Variants in RASGEF1A observed in about 807,000 individuals in gnomAD.
The protein encoded by RASGEF1A is ras-GEF domain-containing family member 1A.
RASGEF1A carries 18 observed loss-of-function variants against 56.4 expected under a neutral mutation model. The observed-to-expected ratio is 0.32, with a 90% confidence interval of 0.22 to 0.47. RASGEF1A has a LOEUF of 0.47. Among genes scored for constraint, RASGEF1A ranks in the 20% least tolerant of loss-of-function variants. RASGEF1A has a pLI of 1.00. For missense variants in RASGEF1A, 422 were observed against 627.1 expected, an observed-to-expected ratio of 0.67 and a Z score of 3.49; for synonymous variants, 245 against 242.6, an observed-to-expected ratio of 1.01 and a Z score of -0.09.
chr10:43,203,388 G>A lies in RASGEF1A; in HGVS notation c.231C>T (p.Ser77=). 1.9e-6 allele frequency: 3 copies of A among 1,585,426 alleles called. No individual in the cohort carries two copies. The highest frequency in any genetic ancestry group is 1.7e-6 in the Non-Finnish European group (2 of 1,165,884). Residue 77 remains serine (S), a synonymous_variant, in exon 3 of 13, where the codon TCC becomes TCT. Transcript: ENST00000395810. ...GGTCATGAGGGGGCATAAAGACCCG[G>A]GAGCTCAGGAGAAAGGTGAAGATGT... The part of the protein sequence containing the change: ...RTYIFTFLLS[S]RVFMPPHDLL...
At chr10:43,219,799 G>A (rs916635123) in intron 1 of RASGEF1A, among the ~76,000 whole-genome samples, 1 of 152,250 alleles carries the variant, frequency 6.6e-6, no homozygotes, top group African/African-American at 2.4e-5. Flanking sequence ...AAGACATATG[G>A]TTCTTTTACT....
intron 2 of RASGEF1A, among the ~76,000 whole-genome samples, chr10:43,205,337 C>G (rs1461258467): frequency 1.3e-5 from 2 of 152,186 alleles, no homozygotes; most frequent in African/African-American, 2.4e-5. Context: ...AACACTTTCT[C>G]TGTTCCAAGA....
chr10:43,263,007 T>C (rs869184), intron 1 of RASGEF1A, among the ~76,000 whole-genome samples: 71,467 of 151,936 alleles, frequency 0.47, 17,112 homozygotes, highest in African/African-American at 0.51. Flanking sequence ...ATGGGGAACC[T>C]GGGGCAGGCA....
rs150965903 is a variant in RASGEF1A at position 43,198,878 on chromosome 10, C to A, written c.1032+55G>T. On this transcript the variant is annotated intron_variant, in intron 9 of 12. Coordinates refer to ENST00000395810, the MANE Select transcript of RASGEF1A (RefSeq NM_145313.4). The stretch of plus-strand genomic sequence containing the variant: ...CCCACTGTCAGGGCCCCCTTCGGGC[C>A]ATTGCGGGACGAAATGGGTGCAGCT... The A allele has an allele frequency of 1.7e-3, 2,610 of 1,529,224 alleles. 6 individuals carry two copies. Among genetic ancestry groups the A allele is most frequent in the Non-Finnish European group, 2.1e-3 (2,300 of 1,106,034 alleles). 94.7% of individuals were successfully genotyped at this position (1,529,224 alleles called of 1,614,324 possible).
intron 1 of RASGEF1A, among the ~76,000 whole-genome samples, chr10:43,235,613 C>T (rs1217131530): frequency 6.6e-6 from 1 of 152,238 alleles, no homozygotes; most frequent in Non-Finnish European, 1.5e-5. Flanking sequence ...ATCCTTCCTG[C>T]CCCCATTGGT....
intron 1 of RASGEF1A, chr10:43,229,693 G>T: frequency 6.9e-7 from 1 of 1,443,852 alleles, no homozygotes; most frequent in Non-Finnish European, 9.1e-7. Flanking sequence ...GCCCGGTCCG[G>T]CGTCCAGCGA....
At chr10:43,244,245 G>C (rs1158389383) in intron 1 of RASGEF1A, among the ~76,000 whole-genome samples, 1 of 139,154 alleles carries the variant, frequency 7.2e-6, no homozygotes, top group African/African-American at 2.6e-5. Flanking sequence ...GACACAAACA[G>C]GGCCGAAGGC....
chr10:43,225,437 ATGTGTCTGTGTTTGTGTGTCTC>A (rs1386932635), intron 1 of RASGEF1A, among the ~76,000 whole-genome samples: 1 of 123,352 alleles, frequency 8.1e-6, no homozygotes. Flanking sequence ...GTGTCTCTGT[ATGTGTCTGTGTTTGTGTGTCTC>A]TGTGTCTGTG....
At chr10:43,212,308 C>T (rs1427729630) in intron 1 of RASGEF1A, among the ~76,000 whole-genome samples, 1 of 152,244 alleles carries the variant, frequency 6.6e-6, no homozygotes, top group Admixed American at 6.5e-5. Context: ...GCACAGCCAA[C>T]ATTTCCGTGA....
At chr10:43,215,960 G>A (rs1411791840) in intron 1 of RASGEF1A, among the ~76,000 whole-genome samples, 1 of 152,240 alleles carries the variant, frequency 6.6e-6, no homozygotes, top group East Asian at 1.9e-4. Flanking sequence ...GACGAGCAGA[G>A]TGAGTGGACA....
At chr10:43,265,912 C>T (rs72783256) in intron 1 of RASGEF1A, among the ~76,000 whole-genome samples, 22,832 of 152,244 alleles carry the variant, frequency 0.15, 1,818 homozygotes, top group Admixed American at 0.19. Flanking sequence ...ATCCTGCGGC[C>T]GACGGCCATC....
In RASGEF1A at chr10:43,229,422, G is replaced by C. The variant is rs1394349631; in HGVS notation, c.-6-23300C>G. 3.3e-5 allele frequency among the ~76,000 whole-genome samples: 5 copies of C among 152,334 alleles called. No individual in the cohort carries two copies. The East Asian group carries it at 9.7e-4, about 29-fold the overall frequency. ...TGTGCTCTCGGCGTCCGCGGGCCGC[G>C]CCGCGAAGGGCAGGGCAGGAGCAGA... On this transcript the variant is annotated intron_variant, in intron 1 of 12. Transcript: ENST00000395810.
chr10:43,217,199 C>T (rs1840148370), intron 1 of RASGEF1A, among the ~76,000 whole-genome samples: 1 of 152,292 alleles, frequency 6.6e-6, no homozygotes, highest in East Asian at 1.9e-4. Flanking sequence ...TGCTGGGACC[C>T]GACCCTGAGG....
At chr10:43,229,649 G>A in intron 1 of RASGEF1A, 3 of 1,493,084 alleles carry the variant, frequency 2.0e-6, no homozygotes, top group Admixed American at 2.1e-5. Context: ...GGGGCTCCAG[G>A]AACATTCTGG....
In RASGEF1A at chr10:43,200,770, T is replaced by A; in HGVS notation, c.578A>T (p.Lys193Met). 1 of 1,613,970 alleles carries A rather than the reference T, an allele frequency of 6.2e-7. No individual in the cohort carries two copies. The change falls in exon 5 of 13, where the codon AAG becomes ATG. Residue 193 changes from lysine to methionine, a missense_variant. By Grantham distance (95) the Lys-to-Met change is moderately conservative (BLOSUM62 -1). Around this residue, in one of 2 missense-constraint regions of RASGEF1A, gnomAD observed 273 missense variants for 339.9 expected, o/e 0.80. Transcript: ENST00000395810. ...REKLRPPAVD[K>M]GPILKTKPPA... is the part of the protein sequence containing the mutation. Reference sequence around the variant, plus strand: ...TGGCTTGGTCTTGAGGATGGGCCCCTTGTCTACAGCCGGTGGCCGGAGCTT... The same window carrying A: ...TGGCTTGGTCTTGAGGATGGGCCCCATGTCTACAGCCGGTGGCCGGAGCTT...
At chr10:43,209,689 CA>C (rs76476726) in intron 1 of RASGEF1A, among the ~76,000 whole-genome samples, 32,403 of 151,442 alleles carry the variant, frequency 0.21, 4,066 homozygotes, top group East Asian at 0.5. Context: ...GAAGCCCCCC[CA>C]CCAGGGCTAG....
At chr10:43,248,058 A>G (rs1840586082) in intron 1 of RASGEF1A, among the ~76,000 whole-genome samples, 1 of 151,036 alleles carries the variant, frequency 6.6e-6, no homozygotes, top group South Asian at 2.1e-4. Context: ...TAAGATTAAA[A>G]AAAAAAAAAA....
At position 43,199,199 on chromosome 10, in the gene RASGEF1A, A is replaced by G; in HGVS notation, c.850-5T>C. On this transcript the variant is annotated splice_region_variant and splice_polypyrimidine_tract_variant and intron_variant, in intron 7 of 12. Coordinates refer to ENST00000395810, the MANE Select transcript of RASGEF1A (RefSeq NM_145313.4). The stretch of plus-strand genomic sequence containing the variant: ...CCGGTGTTTCTTCTTCACCACCTGG[A>G]AGGTGGCAGGTGACCTCAGCATGGC... 1.3e-6 allele frequency: 2 copies of G among 1,598,680 alleles called. No homozygotes were observed. The highest frequency in any genetic ancestry group is 1.7e-6 in the Non-Finnish European group (2 of 1,170,416).
At chr10:43,208,576 C>A in intron 1 of RASGEF1A, 1 of 985,638 alleles carries the variant, frequency 1.0e-6, no homozygotes. Flanking sequence ...TTTGGGGAGT[C>A]AGCAGAGCCT....
Sources: allele counts gnomAD v4.1 joint callset (sites outside exome capture counted in the v4.1 genomes callset), GRCh38; gene constraint gnomAD v4.1.1; regional missense constraint gnomAD v4.1.1; transcripts MANE v1.5; gene names NCBI Gene and HGNC (gene_info 2026-07-23, HGNC 2026-07-21).